The following MYRIP variants were observed in gnomAD, a reference collection of about 807,000 sequenced individuals.
MYRIP encodes the protein rab effector MyRIP.
In MYRIP, 49 loss-of-function variants were observed where a neutral mutation model predicts 98.0. That is an observed-to-expected ratio of 0.50 (90% confidence interval 0.40 to 0.63). The LOEUF (loss-of-function observed/expected upper bound fraction) is 0.63, where lower values mean the gene tolerates loss of function less well. Ranked by LOEUF, MYRIP falls within the 30% of genes least tolerant of loss-of-function variation. The pLI, the probability that MYRIP is intolerant of heterozygous loss-of-function variation, is 0.00. For synonymous variants in MYRIP, 404 were observed against 409.5 expected (o/e 0.99, Z 0.16); for missense variants, 1,004 against 1,058.2 (o/e 0.95, Z 0.71).
intron 1 of MYRIP, among the ~76,000 whole-genome samples, chr3:39,852,603 G>A (rs1373487278): frequency 3.3e-5 from 5 of 151,684 alleles, no homozygotes; most frequent in Non-Finnish European, 5.9e-5. Context: ...TGTCCTCATA[G>A]CCTAGCTCTC....
chr3:40,167,784 G>A lies in MYRIP; in HGVS notation c.729+545G>A, dbSNP rs536210525. Among the ~76,000 whole-genome samples, 3 of 152,240 alleles carry A rather than the reference G, an allele frequency of 2.0e-5. No homozygotes were observed. In the South Asian group the frequency reaches 6.2e-4, roughly 32 times the overall value. On this transcript the variant is annotated intron_variant, in intron 7 of 16. Transcript: ENST00000302541. ...ATTCAATTATTTGCTAGAACTCACA[G>A]AACTCAGGAAAGTGCTTTACTTACC...
intron 1 of MYRIP, among the ~76,000 whole-genome samples, chr3:39,845,910 G>A (rs1021780834): frequency 1.9e-4 from 28 of 150,016 alleles, no homozygotes; most frequent in Non-Finnish European, 3.2e-4. Context: ...TGAATGAACA[G>A]GTAAAAACAC....
chr3:40,192,315 T>TATATACATATATATATGTC (rs1553624956), intron 10 of MYRIP, among the ~76,000 whole-genome samples: 23 of 21,122 alleles, frequency 1.1e-3, no homozygotes, highest in African/African-American at 1.9e-3. Flanking sequence ...TCTTCATATA[T>TATATACATATATATATGTC]ATATATATAT....
chr3:40,181,811 C>A (rs1950888195), intron 8 of MYRIP, among the ~76,000 whole-genome samples: 1 of 152,026 alleles, frequency 6.6e-6, no homozygotes, highest in Non-Finnish European at 1.5e-5. Flanking sequence ...TGTAATAGTC[C>A]TGTGCTGTGG....
At chr3:40,043,927 C>T in intron 2 of MYRIP, 123 bp from the exon 3 acceptor site, 1 of 733,166 alleles carries the variant, frequency 1.4e-6, no homozygotes, top group South Asian at 1.9e-5. Context: ...TCTTGTTCTC[C>T]AGGAAGGTCC....
At chr3:39,915,694 T>C (rs2125685036) in intron 2 of MYRIP, among the ~76,000 whole-genome samples, 1 of 151,848 alleles carries the variant, frequency 6.6e-6, no homozygotes, top group African/African-American at 2.4e-5. Context: ...TCATATATCT[T>C]ATCTCCTAAA....
intron 3 of MYRIP, among the ~76,000 whole-genome samples, chr3:40,095,444 C>A (rs1395856456): frequency 6.6e-6 from 1 of 152,146 alleles, no homozygotes; most frequent in Non-Finnish European, 1.5e-5. Flanking sequence ...CCAGAGCCCA[C>A]GAGCCTGGCC....
intron 2 of MYRIP, among the ~76,000 whole-genome samples, chr3:39,990,881 C>T (rs1311332324): frequency 6.6e-6 from 1 of 152,198 alleles, no homozygotes; most frequent in African/African-American, 2.4e-5. Flanking sequence ...AACCATCATT[C>T]TCAGCAAACT....
At chr3:39,825,801 T>C (rs570061897) in intron 1 of MYRIP, among the ~76,000 whole-genome samples, 1 of 152,286 alleles carries the variant, frequency 6.6e-6, no homozygotes, top group East Asian at 1.9e-4. Context: ...GGTGAAATCA[T>C]CTGATCCTGA....
chr3:39,849,643 T>A (rs1205833221), intron 1 of MYRIP, among the ~76,000 whole-genome samples: 1 of 152,124 alleles, frequency 6.6e-6, no homozygotes, highest in African/African-American at 2.4e-5. Context: ...AAAGGAGGAT[T>A]TTTGGGGACA....
intron 1 of MYRIP, among the ~76,000 whole-genome samples, chr3:39,897,487 G>A (rs1943639876): frequency 6.6e-6 from 1 of 152,114 alleles, no homozygotes; most frequent in Non-Finnish European, 1.5e-5. Context: ...TGTCATGTTG[G>A]TTGGCTATAA....
intron 2 of MYRIP, among the ~76,000 whole-genome samples, chr3:39,926,854 A>T (rs1279678299): frequency 1.3e-5 from 2 of 152,100 alleles, no homozygotes; most frequent in East Asian, 3.8e-4. Context: ...CTTTTTTCTA[A>T]TTCTGTTAAA....
intron 1 of MYRIP, among the ~76,000 whole-genome samples, chr3:39,840,750 G>A (rs2125594122): frequency 6.6e-6 from 1 of 152,240 alleles, no homozygotes; most frequent in East Asian, 1.9e-4. Flanking sequence ...TGAAATTCTG[G>A]GTTGAAAATT....
chr3:40,093,042 C>T (rs1040017433), intron 3 of MYRIP, among the ~76,000 whole-genome samples: 13 of 152,146 alleles, frequency 8.5e-5, no homozygotes, highest in Admixed American at 6.5e-4. Context: ...CTGAACCCCT[C>T]CCTGTTAACC....
intron 2 of MYRIP, among the ~76,000 whole-genome samples, chr3:39,990,582 A>G (rs1946149627): frequency 6.6e-6 from 1 of 152,226 alleles, no homozygotes; most frequent in Non-Finnish European, 1.5e-5. Context: ...GGCTGATACT[A>G]ATTGTTGTTA....
intron 2 of MYRIP, among the ~76,000 whole-genome samples, chr3:39,958,317 G>T (rs1376874350): frequency 3.3e-5 from 5 of 152,122 alleles, no homozygotes; most frequent in Non-Finnish European, 7.3e-5. Context: ...CATGGTACTG[G>T]TACCAAAACA....
In MYRIP at chr3:40,189,861, T is replaced by G. The variant is rs1281919355; in HGVS notation, c.1063T>G (p.Trp355Gly). ...AGTTTTGCAGAGCCCCGACGGGAAC[T>G]GGGTGGCCCTGAAGGATGGCGCTCC... The part of the protein sequence containing the change: ...APVLQSPDGN[W>G]VALKDGAPPP... The change falls in exon 10 of 17, where the codon TGG (tryptophan) becomes GGG (glycine). Residue 355 changes from tryptophan to glycine, a missense_variant. By Grantham distance (184) the Trp-to-Gly change is radical (BLOSUM62 -2). This residue lies in a region of MYRIP where 880 missense variants were observed against 907.7 expected (regional missense o/e 0.97). Transcript: ENST00000302541. 3 of 1,613,758 alleles carry G rather than the reference T, an allele frequency of 1.9e-6. No individual in the cohort carries two copies. The highest frequency in any genetic ancestry group is 1.3e-5 in the African/African-American group (1 of 74,928).
intron 2 of MYRIP, among the ~76,000 whole-genome samples, chr3:39,998,359 A>G (rs1575451128): frequency 6.6e-6 from 1 of 152,218 alleles, no homozygotes; most frequent in South Asian, 2.1e-4. Context: ...TCAATCTGCA[A>G]AAATCACAAG....
At chr3:40,009,230 G>T (rs768784112) in intron 2 of MYRIP, among the ~76,000 whole-genome samples, 1 of 149,802 alleles carries the variant, frequency 6.7e-6, no homozygotes, top group Non-Finnish European at 1.5e-5. Context: ...ATGACAAACT[G>T]CTACTTCTTT....
Sources: allele counts gnomAD v4.1 joint callset (sites outside exome capture counted in the v4.1 genomes callset), GRCh38; gene constraint gnomAD v4.1.1; regional missense constraint gnomAD v4.1.1; transcripts MANE v1.5; gene names NCBI Gene and HGNC (gene_info 2026-07-23, HGNC 2026-07-21).